Variants in GRIK3 observed in about 807,000 individuals in gnomAD.
The protein encoded by GRIK3 is glutamate receptor ionotropic, kainate 3.
Under a neutral mutation model 102.5 loss-of-function variants are expected in GRIK3, and 29 were observed. The observed-to-expected ratio is 0.28, with a 90% confidence interval of 0.21 to 0.39. The LOEUF (loss-of-function observed/expected upper bound fraction) is 0.39. GRIK3 is among the 10% of genes least tolerant of loss of function. The pLI, the probability that GRIK3 is intolerant of heterozygous loss-of-function variation, is 1.00. For missense variants in GRIK3, 908 were observed against 1,252.4 expected (o/e 0.73, Z 4.15); for synonymous variants, 511 against 504.9 (o/e 1.01, Z -0.16).
chr1:36,964,589 C>T lies in GRIK3; in HGVS notation c.115+69405G>A, dbSNP rs551647189. On this transcript the variant is annotated intron_variant, in intron 1 of 15. Transcript: ENST00000373091. The stretch of plus-strand genomic sequence containing the variant: ...GTTCATCTTTTATAGTTTTCAGTTA[C>T]GCTGAAAGGGTCAGCTCCTGATGCC... Among the ~76,000 whole-genome samples the T allele has an allele frequency of 9.2e-5, 14 of 152,320 alleles. No homozygotes were observed. In the East Asian group the frequency reaches 1.5e-3, roughly 17 times the overall value.
chr1:36,945,068 G>A lies in GRIK3; in HGVS notation c.116-53972C>T, dbSNP rs576019231. ...CCAGCTGGCTCCACCCCTGGCCGTCGGCCACACTGTTCATTAAGCAAATGG... is the reference window on the plus strand; with the variant it reads ...CCAGCTGGCTCCACCCCTGGCCGTCAGCCACACTGTTCATTAAGCAAATGG... On this transcript the variant is annotated intron_variant, in intron 1 of 15. Transcript: ENST00000373091. Among the ~76,000 whole-genome samples, 9 of 152,348 alleles carry A rather than the reference G, an allele frequency of 5.9e-5. No homozygotes were observed. The South Asian group carries it at 1.2e-3, about 21-fold the overall frequency.
At chr1:36,923,504 A>G (rs879504764) in intron 1 of GRIK3, among the ~76,000 whole-genome samples, 2 of 152,192 alleles carry the variant, frequency 1.3e-5, no homozygotes, top group African/African-American at 4.8e-5. Flanking sequence ...GCAGCAGGCC[A>G]CAAATGGGGT....
At chr1:36,918,212 T>C (rs1374176523) in intron 1 of GRIK3, among the ~76,000 whole-genome samples, 1 of 152,336 alleles carries the variant, frequency 6.6e-6, no homozygotes, top group East Asian at 1.9e-4. Flanking sequence ...CTAACACCTA[T>C]AGAACCTATG....
chr1:36,879,106 T>C (rs962124604), intron 3 of GRIK3, among the ~76,000 whole-genome samples: 9 of 152,124 alleles, frequency 5.9e-5, no homozygotes, highest in Non-Finnish European at 1.2e-4. Flanking sequence ...ATTAGCTCTC[T>C]GTACATAGAG....
Position 36,880,588 on chromosome 1 carries a change from C to A in GRIK3, c.550+46G>T. The A allele has an allele frequency of 6.3e-7, 1 of 1,585,058 alleles. No individual in the cohort carries two copies. Among genetic ancestry groups the A allele is most frequent in the Non-Finnish European group, 8.7e-7 (1 of 1,155,972 alleles). The stretch of plus-strand genomic sequence containing the variant: ...ACAAGAGCTTGATCCTGGGCCTCTG[C>A]CCCCCTCAACCGTTGCCCCCAGCCT... On this transcript the variant is annotated intron_variant, in intron 3 of 15. Coordinates refer to ENST00000373091, the MANE Select transcript of GRIK3 (RefSeq NM_000831.4). The surrounding 1 kb of genome is among the most constrained non-coding windows in gnomAD (Gnocchi z 5.4).
chr1:36,872,236 G>A lies in GRIK3; in HGVS notation c.684C>T (p.Arg228=), dbSNP rs533786408. 3.1e-6 allele frequency: 5 copies of A among 1,612,234 alleles called. No homozygotes were observed. In the South Asian group the frequency reaches 4.4e-5, roughly 14 times the overall value. Residue 228 remains arginine (R), a synonymous_variant, in exon 4 of 16, where the codon CGC becomes CGT. Transcript: ENST00000373091. This position sits in a 1 kb window ranked among gnomAD's most constrained non-coding sequence, Gnocchi z 5.9. ...TAGTGTGGCTGCAGTCGAAGATAAT[G>A]CGGAATTCCCGGCCTCGCTTCATCT... ...LKEMKRGREF[R]IIFDCSHTMA...
chr1:36,965,826 G>A (rs1449856433), intron 1 of GRIK3, among the ~76,000 whole-genome samples: 1 of 152,170 alleles, frequency 6.6e-6, no homozygotes, highest in Non-Finnish European at 1.5e-5. Flanking sequence ...CAATTTACAA[G>A]CAATTACACA....
At chr1:36,914,655 C>T (rs989348770) in intron 1 of GRIK3, among the ~76,000 whole-genome samples, 1 of 152,198 alleles carries the variant, frequency 6.6e-6, no homozygotes, top group Non-Finnish European at 1.5e-5. Context: ...CTCCCCAGCC[C>T]TGTGCACTAG....
At chr1:36,879,548 G>C (rs72915541) in intron 3 of GRIK3, among the ~76,000 whole-genome samples, 1,546 of 152,314 alleles carry the variant, frequency 0.01, 24 homozygotes, top group African/African-American at 0.035. Context: ...AAAAGCCAGA[G>C]TGCGTTTGCT....
intron 1 of GRIK3, among the ~76,000 whole-genome samples, chr1:36,981,831 C>G (rs1484888990): frequency 6.6e-6 from 1 of 152,228 alleles, no homozygotes; most frequent in African/African-American, 2.4e-5. Context: ...GCAGATAGGA[C>G]AGCCTGGAGC....
In GRIK3 at chr1:36,801,941, G is replaced by A. The variant is rs779077639; in HGVS notation, c.2670C>T (p.Ala890=). Residue 890 remains alanine, a synonymous_variant, in exon 16 of 16, where the codon GCC becomes GCT. Transcript: ENST00000373091. ...CATTGAATGTGTGCATGTTGATGAC[G>A]GCGTCAGTCTTGACCATCATGGGAG... is the stretch of plus-strand genomic sequence containing the variant. ...PQPPMMVKTD[A]VINMHTFNDR... is the part of the protein sequence containing the mutation. The A allele has an allele frequency of 6.8e-6, 11 of 1,614,122 alleles. No individual in the cohort carries two copies. The highest frequency in any genetic ancestry group is 8.5e-6 in the Non-Finnish European group (10 of 1,180,002).
intron 1 of GRIK3, among the ~76,000 whole-genome samples, chr1:36,975,976 A>C (rs141124882): frequency 1.3e-4 from 20 of 152,224 alleles, no homozygotes; most frequent in Non-Finnish European, 1.9e-4. Flanking sequence ...GAAAGAGGAG[A>C]GTCTCCAAAA....
intron 1 of GRIK3, among the ~76,000 whole-genome samples, chr1:36,935,522 C>A (rs112322305): frequency 9.2e-5 from 14 of 152,038 alleles, no homozygotes; most frequent in Non-Finnish European, 1.9e-4. Context: ...GGGAAAGCAG[C>A]CTTCCCTTCT....
At chr1:36,823,646 C>A (rs995364972) in intron 11 of GRIK3, among the ~76,000 whole-genome samples, 1 of 152,166 alleles carries the variant, frequency 6.6e-6, no homozygotes, top group Non-Finnish European at 1.5e-5. Flanking sequence ...CCCCCTTCAG[C>A]CAGGTGAGCT....
At chr1:36,908,423 G>A (rs1641309732) in intron 1 of GRIK3, among the ~76,000 whole-genome samples, 1 of 152,158 alleles carries the variant, frequency 6.6e-6, no homozygotes, top group Non-Finnish European at 1.5e-5. Flanking sequence ...TAGAGAGCCT[G>A]TAGCTTTGGG....
At chr1:36,989,419 T>G (rs138949405) in intron 1 of GRIK3, among the ~76,000 whole-genome samples, 1 of 150,476 alleles carries the variant, frequency 6.6e-6, no homozygotes, top group Non-Finnish European at 1.5e-5. Flanking sequence ...TGGGGAGGAG[T>G]TGCCCTTCAA....
At chr1:36,907,063 T>C (rs978762376) in intron 1 of GRIK3, among the ~76,000 whole-genome samples, 19 of 152,084 alleles carry the variant, frequency 1.2e-4, no homozygotes, top group African/African-American at 4.3e-4. Context: ...AACATAAAAT[T>C]AATTCAAAAA....
chr1:36,920,290 T>C (rs778331581), intron 1 of GRIK3, among the ~76,000 whole-genome samples: 2 of 152,186 alleles, frequency 1.3e-5, no homozygotes, highest in Non-Finnish European at 2.9e-5. Flanking sequence ...CCTCTGCCTG[T>C]CAGTTTTTCC....
chr1:36,884,838 G>A (rs568206610), intron 2 of GRIK3, among the ~76,000 whole-genome samples: 1 of 152,324 alleles, frequency 6.6e-6, no homozygotes, highest in Non-Finnish European at 1.5e-5. Context: ...ATGCCTTGAA[G>A]CAGTCAGGTC....
Sources: allele counts gnomAD v4.1 joint callset (sites outside exome capture counted in the v4.1 genomes callset), GRCh38; gene constraint gnomAD v4.1.1; non-coding constraint Gnocchi (gnomAD v3.1); transcripts MANE v1.5; gene names NCBI Gene and HGNC (gene_info 2026-07-23, HGNC 2026-07-21).